DPYD: variants seen among roughly 807,000 people sequenced by gnomAD.
DPYD encodes the protein dihydropyrimidine dehydrogenase.
In DPYD, 109 loss-of-function variants were observed where a neutral mutation model predicts 116.2. The ratio of observed to expected loss-of-function variants is 0.94; its 90% CI spans 0.80 to 1.10. DPYD has a LOEUF of 1.10. Ranked by LOEUF, DPYD falls within the 50% of genes least tolerant of loss-of-function variation. The pLI, the probability that DPYD is intolerant of heterozygous loss-of-function variation, is 0.00. For synonymous variants in DPYD, 440 were observed against 432.0 expected (o/e 1.02, Z -0.23); for missense variants, 1,302 against 1,254.5 (o/e 1.04, Z -0.57).
At chr1:97,477,292 A>G (rs1678019797) in intron 13 of DPYD, among the ~76,000 whole-genome samples, 1 of 152,218 alleles carries the variant, frequency 6.6e-6, no homozygotes, top group Non-Finnish European at 1.5e-5. Flanking sequence ...TTGCTCATCC[A>G]TAAGAAGCAA....
chr1:97,566,804 TG>T (rs909457014), intron 11 of DPYD, among the ~76,000 whole-genome samples: 1 of 152,180 alleles, frequency 6.6e-6, no homozygotes. Flanking sequence ...AGATATGTTT[TG>T]TTGTTTGAAA....
intron 12 of DPYD, among the ~76,000 whole-genome samples, chr1:97,529,353 C>A (rs990676483): frequency 2.0e-5 from 3 of 152,046 alleles, no homozygotes; most frequent in Non-Finnish European, 2.9e-5. Context: ...AACAGAGTAT[C>A]TTTTCTTTCT....
chr1:97,764,559 CA>C (rs959104777), intron 3 of DPYD, among the ~76,000 whole-genome samples: 2 of 151,984 alleles, frequency 1.3e-5, no homozygotes, highest in African/African-American at 4.8e-5. Flanking sequence ...TCACTTTACA[CA>C]AAGTTAATTG....
intron 5 of DPYD, among the ~76,000 whole-genome samples, chr1:97,713,346 A>G (rs1386343515): frequency 6.6e-6 from 1 of 152,156 alleles, no homozygotes; most frequent in Non-Finnish European, 1.5e-5. Context: ...GTAACCGCAA[A>G]TAATTTTAAC....
At chr1:97,567,528 A>T (rs1482935318) in intron 11 of DPYD, among the ~76,000 whole-genome samples, 1 of 152,108 alleles carries the variant, frequency 6.6e-6, no homozygotes, top group Admixed American at 6.6e-5. Context: ...GAAGGGTCGT[A>T]TCTTCCCTGG....
intron 2 of DPYD, 148 bp from the exon 3 acceptor site, chr1:97,828,344 T>C (rs1669350644): frequency 4.4e-6 from 3 of 684,982 alleles, no homozygotes; most frequent in South Asian, 3.5e-5. Context: ...TTCATTAAAA[T>C]TGACAGTTAA....
At chr1:97,247,217 A>G (rs966291315) in intron 18 of DPYD, among the ~76,000 whole-genome samples, 14 of 152,202 alleles carry the variant, frequency 9.2e-5, no homozygotes, top group African/African-American at 3.4e-4. Flanking sequence ...AACAAACATC[A>G]TAAATAGTGC....
intron 3 of DPYD, among the ~76,000 whole-genome samples, chr1:97,782,263 G>C (rs887598510): frequency 6.6e-6 from 1 of 152,084 alleles, no homozygotes; most frequent in African/African-American, 2.4e-5. Flanking sequence ...CATAAATCAC[G>C]GCGCAGAGCT....
chr1:97,717,670 C>T, intron 5 of DPYD, among the ~76,000 whole-genome samples: 1 of 152,058 alleles, frequency 6.6e-6, no homozygotes, highest in Non-Finnish European at 1.5e-5. Flanking sequence ...CAAGTCAGCT[C>T]CCACTTATGA....
chr1:97,259,406 CTCTT>C, intron 18 of DPYD, among the ~76,000 whole-genome samples: 1 of 152,054 alleles, frequency 6.6e-6, no homozygotes, highest in Non-Finnish European at 1.5e-5. Flanking sequence ...CAGAGTCTTG[CTCTT>C]TCACCCAGGC....
intron 15 of DPYD, among the ~76,000 whole-genome samples, chr1:97,380,609 A>G (rs1671899808): frequency 6.6e-6 from 1 of 152,200 alleles, no homozygotes; most frequent in Non-Finnish European, 1.5e-5. Flanking sequence ...TTATAAACTT[A>G]AGGTTTAGTA....
intron 14 of DPYD, among the ~76,000 whole-genome samples, chr1:97,440,837 C>T (rs573739645): frequency 6.6e-6 from 1 of 152,270 alleles, no homozygotes; most frequent in Admixed American, 6.5e-5. Flanking sequence ...TTTGACCTGG[C>T]ATCATATTCC....
intron 19 of DPYD, among the ~76,000 whole-genome samples, chr1:97,219,617 A>G (rs72726637): frequency 0.035 from 5,384 of 152,262 alleles, 296 homozygotes; most frequent in African/African-American, 0.12. Flanking sequence ...AGGAGGCAAA[A>G]AGTAGCCCTA....
At chr1:97,532,155 C>T (rs1024170201) in intron 12 of DPYD, among the ~76,000 whole-genome samples, 11 of 151,968 alleles carry the variant, frequency 7.2e-5, no homozygotes, top group Admixed American at 3.3e-4. Flanking sequence ...TCTGTTAATG[C>T]GGTGTTATCA....
At chr1:97,604,579 C>A (rs1360013909) in intron 8 of DPYD, among the ~76,000 whole-genome samples, 1 of 151,836 alleles carries the variant, frequency 6.6e-6, no homozygotes, top group East Asian at 1.9e-4. Flanking sequence ...AATTACTGTT[C>A]TCAATAGATT....
At chr1:97,360,216 G>C (rs911611273) in intron 16 of DPYD, among the ~76,000 whole-genome samples, 2 of 151,962 alleles carry the variant, frequency 1.3e-5, no homozygotes, top group African/African-American at 4.8e-5. Context: ...TTATGTGATG[G>C]TAAAGGGATC....
chr1:97,114,250 A>C (rs970955391), intron 20 of DPYD, among the ~76,000 whole-genome samples: 1 of 152,126 alleles, frequency 6.6e-6, no homozygotes, highest in Non-Finnish European at 1.5e-5. Context: ...TCCATACCTG[A>C]AAACTTCTGA....
chr1:97,913,381 C>T (rs570652634), intron 1 of DPYD, among the ~76,000 whole-genome samples: 1 of 152,046 alleles, frequency 6.6e-6, no homozygotes, highest in Non-Finnish European at 1.5e-5. Flanking sequence ...AACAATTTCA[C>T]CATTGCCATA....
chr1:97,830,779 T>C (rs1207775357), intron 2 of DPYD, among the ~76,000 whole-genome samples: 1 of 150,746 alleles, frequency 6.6e-6, no homozygotes, highest in Admixed American at 6.6e-5. Context: ...CCACACTGAG[T>C]AGCCACACTG....
Sources: allele counts gnomAD v4.1 joint callset (sites outside exome capture counted in the v4.1 genomes callset), GRCh38; gene constraint gnomAD v4.1.1; transcripts MANE v1.5; gene names NCBI Gene and HGNC (gene_info 2026-07-23, HGNC 2026-07-21).